Variants in KIRREL3 observed in about 807,000 individuals in gnomAD.
KIRREL3 encodes kirre like nephrin family adhesion molecule 3, also known as kin of IRRE-like protein 3.
A neutral mutation model predicts 89.7 loss-of-function variants in KIRREL3; 36 were observed. The observed-to-expected ratio is 0.40, with a 90% confidence interval of 0.31 to 0.53. The LOEUF (loss-of-function observed/expected upper bound fraction) is 0.53. Among genes scored for constraint, KIRREL3 ranks in the 20% least tolerant of loss-of-function variants. KIRREL3 has a pLI of 0.49. For synonymous variants in KIRREL3, 445 were observed against 441.4 expected (o/e 1.01, Z -0.10); for missense variants, 864 against 1,056.6 (o/e 0.82, Z 2.53).
chr11:126,785,174 A>T (rs528330660), intron 1 of KIRREL3, among the ~76,000 whole-genome samples: 2 of 152,076 alleles, frequency 1.3e-5, no homozygotes, highest in Non-Finnish European at 2.9e-5. Flanking sequence ...TGGAAAGGAG[A>T]GGGATTCCTC....
In KIRREL3 at chr11:126,557,400, G is replaced by A. The variant is rs1351493498; in HGVS notation, c.133+5435C>T. On this transcript the variant is annotated intron_variant, in intron 2 of 16. Transcript: ENST00000525144. This position sits in a 1 kb window ranked among gnomAD's most constrained non-coding sequence, Gnocchi z 5.6. ...TTATGGGATGGGCTGTGAGAACAGG[G>A]TGTGGGCTGGGTGTTGAGATCCAAG... 6.6e-6 allele frequency among the ~76,000 whole-genome samples: 1 copy of A among 152,218 alleles called. No homozygotes were observed. Among genetic ancestry groups the A allele is most frequent in the South Asian group, 2.1e-4 (1 of 4,830 alleles).
At chr11:126,810,959 G>A (rs1951365539) in intron 1 of KIRREL3, among the ~76,000 whole-genome samples, 1 of 152,170 alleles carries the variant, frequency 6.6e-6, no homozygotes, top group South Asian at 2.1e-4. Context: ...ACACTGGAGT[G>A]TGTGCAGGGA....
At chr11:126,465,068 G>C (rs558003033) in intron 5 of KIRREL3, among the ~76,000 whole-genome samples, 2 of 152,254 alleles carry the variant, frequency 1.3e-5, no homozygotes, top group East Asian at 3.9e-4. Flanking sequence ...GGGAGGGTGT[G>C]CTGAGTGTGT....
rs189337695 is a variant in KIRREL3, at chr11:126,891,768, G to T, written c.55+108687C>A. Among the ~76,000 whole-genome samples the T allele has an allele frequency of 6.6e-5, 10 of 152,302 alleles. No individual in the cohort carries two copies. Among genetic ancestry groups the T allele is most frequent in the Non-Finnish European group, 1.5e-4 (10 of 68,022 alleles). ...GATCCCTGGAGATGGGCAGGGCTGGGGTCAGACTCCGGTGACAGCAGCAGT... is the reference window on the plus strand; with the variant it reads ...GATCCCTGGAGATGGGCAGGGCTGGTGTCAGACTCCGGTGACAGCAGCAGT... On this transcript the variant is annotated intron_variant, in intron 1 of 16. Coordinates refer to ENST00000525144, the MANE Select transcript of KIRREL3 (RefSeq NM_032531.4). This position sits in a 1 kb window ranked among gnomAD's most constrained non-coding sequence, Gnocchi z 5.1.
chr11:126,779,983 G>T (rs868183974), intron 1 of KIRREL3, among the ~76,000 whole-genome samples: 1 of 152,182 alleles, frequency 6.6e-6, no homozygotes, highest in Non-Finnish European at 1.5e-5. Context: ...GGAGCATCTA[G>T]TGGGGAAAGC....
chr11:126,452,442 A>C (rs1956212030), intron 7 of KIRREL3, among the ~76,000 whole-genome samples: 1 of 152,250 alleles, frequency 6.6e-6, no homozygotes, highest in South Asian at 2.1e-4. Context: ...GCGTGAGGCC[A>C]AGCGGGCAGC....
rs1055017774 is a variant in KIRREL3, at chr11:126,530,620, C to A, written c.134-3933G>T. Reference sequence around the variant, plus strand: ...ACCCCTCCAGGAGCTCGCAGCTGTGCCCCCTCCCCATCACACCTGGGCGTC... The same window carrying A: ...ACCCCTCCAGGAGCTCGCAGCTGTGACCCCTCCCCATCACACCTGGGCGTC... On this transcript the variant is annotated intron_variant, in intron 2 of 16. Transcript: ENST00000525144. The surrounding 1 kb of genome is among the most constrained non-coding windows in gnomAD (Gnocchi z 5.8). 2.0e-5 allele frequency among the ~76,000 whole-genome samples: 3 copies of A among 152,102 alleles called. No individual in the cohort carries two copies. Among genetic ancestry groups the A allele is most frequent in the Non-Finnish European group, 2.9e-5 (2 of 68,024 alleles).
In KIRREL3 at chr11:126,463,709, T is replaced by A. The variant is rs985891298; in HGVS notation, c.592-402A>T. ...GGCTCTGTAGGAAGCAACGAGATGG[T>A]TTGCAACCAGCAGGGACTGTGGCCC... On this transcript the variant is annotated intron_variant, in intron 5 of 16. Transcript: ENST00000525144. This position sits in a 1 kb window ranked among gnomAD's most constrained non-coding sequence, Gnocchi z 5.9. Among the ~76,000 whole-genome samples the A allele has an allele frequency of 6.6e-6, 1 of 152,062 alleles. No individual in the cohort carries two copies. The highest frequency in any genetic ancestry group is 6.6e-5 in the Admixed American group (1 of 15,256).
chr11:126,979,076 T>A (rs1190524208), intron 1 of KIRREL3, among the ~76,000 whole-genome samples: 1 of 152,144 alleles, frequency 6.6e-6, no homozygotes, highest in Non-Finnish European at 1.5e-5. Context: ...AAACAGCTAT[T>A]AAGGACATAG....
Position 126,645,615 on chromosome 11 carries a change from T to A in KIRREL3, c.56-82703A>T, listed in dbSNP as rs996338456. On this transcript the variant is annotated intron_variant, in intron 1 of 16. Transcript: ENST00000525144. This position sits in a 1 kb window ranked among gnomAD's most constrained non-coding sequence, Gnocchi z 4.9. ...TAAATGGAAGCATCATGGCACGAGG[T>A]GAAATTCTAGGTTTCTGAAGAAGAA... 2.0e-5 allele frequency among the ~76,000 whole-genome samples: 3 copies of A among 152,172 alleles called. No homozygotes were observed. Among genetic ancestry groups the A allele is most frequent in the Non-Finnish European group, 4.4e-5 (3 of 68,034 alleles).
intron 1 of KIRREL3, among the ~76,000 whole-genome samples, chr11:126,828,669 T>A (rs1234972205): frequency 6.6e-6 from 1 of 152,186 alleles, no homozygotes; most frequent in Non-Finnish European, 1.5e-5. Context: ...GTCTTGCACG[T>A]AGGCTCTGCA....
chr11:126,922,977 C>T (rs537138519), intron 1 of KIRREL3, among the ~76,000 whole-genome samples: 2 of 152,208 alleles, frequency 1.3e-5, no homozygotes, highest in Middle Eastern at 3.2e-3. Context: ...TTGCATCCCT[C>T]GAGTCGGTGC....
At position 126,541,719 on chromosome 11, in the gene KIRREL3, C is replaced by T. The variant is rs985146323; in HGVS notation, c.134-15032G>A. The stretch of plus-strand genomic sequence containing the variant: ...AGCTTCTGGGTCATCCTTCTGCAGG[C>T]GGTTTCTGGGCCACATCCTAAGGGC... On this transcript the variant is annotated intron_variant, in intron 2 of 16. Coordinates refer to ENST00000525144, the MANE Select transcript of KIRREL3 (RefSeq NM_032531.4). The surrounding 1 kb of genome is among the most constrained non-coding windows in gnomAD (Gnocchi z 4.8). 2.1e-4 allele frequency among the ~76,000 whole-genome samples: 32 copies of T among 151,976 alleles called. No homozygotes were observed. The highest frequency in any genetic ancestry group is 7.7e-4 in the African/African-American group (32 of 41,374).
intron 1 of KIRREL3, among the ~76,000 whole-genome samples, chr11:126,658,636 G>C (rs1336399012): frequency 6.6e-6 from 1 of 152,174 alleles, no homozygotes; most frequent in Non-Finnish European, 1.5e-5. Flanking sequence ...TACTGACTCG[G>C]AGAGCTTTCC....
chr11:126,620,450 A>C lies in KIRREL3; in HGVS notation c.56-57538T>G, dbSNP rs1419034688. On this transcript the variant is annotated intron_variant, in intron 1 of 16. Transcript: ENST00000525144. The surrounding 1 kb of genome is among the most constrained non-coding windows in gnomAD (Gnocchi z 4.8). ...AAAGTATTAGACTAAGTCTTTGTTG[A>C]GTAGTAATTCTTAATGTGAGGCTCT... Among the ~76,000 whole-genome samples, 2 of 152,156 alleles carry C rather than the reference A, an allele frequency of 1.3e-5. No individual in the cohort carries two copies. Among genetic ancestry groups the C allele is most frequent in the Admixed American group, 1.3e-4 (2 of 15,286 alleles).
intron 1 of KIRREL3, among the ~76,000 whole-genome samples, chr11:126,973,772 C>T (rs1949495452): frequency 6.6e-6 from 1 of 152,174 alleles, no homozygotes; most frequent in Non-Finnish European, 1.5e-5. Context: ...GTATGCACTA[C>T]ACTGCTTGGC....
Position 126,764,667 on chromosome 11 carries a change from G to C in KIRREL3, c.56-201755C>G, listed in dbSNP as rs915913875. On this transcript the variant is annotated intron_variant, in intron 1 of 16. Coordinates refer to ENST00000525144, the MANE Select transcript of KIRREL3 (RefSeq NM_032531.4). The surrounding 1 kb of genome is among the most constrained non-coding windows in gnomAD (Gnocchi z 4.2). Reference sequence around the variant, plus strand: ...CTTTGGTTAGCACATGCACACGTGGGCACGTGCAAACTCTCTCAGTGTAGG... The same window carrying C: ...CTTTGGTTAGCACATGCACACGTGGCCACGTGCAAACTCTCTCAGTGTAGG... Among the ~76,000 whole-genome samples, 4 of 152,176 alleles carry C rather than the reference G, an allele frequency of 2.6e-5. No individual in the cohort carries two copies. The highest frequency in any genetic ancestry group is 1.3e-4 in the Admixed American group (2 of 15,282).
rs1345531966 is a variant in KIRREL3 at position 126,904,684 on chromosome 11, C to T, written c.55+95771G>A. On this transcript the variant is annotated intron_variant, in intron 1 of 16. Transcript: ENST00000525144. This position sits in a 1 kb window ranked among gnomAD's most constrained non-coding sequence, Gnocchi z 4.4. ...ATCTGTCTCCTGCTACAGTTTAGCA[C>T]AGCTATAGCTTGGGGGTAGGGGGTC... Among the ~76,000 whole-genome samples, 2 of 152,198 alleles carry T rather than the reference C, an allele frequency of 1.3e-5. No individual in the cohort carries two copies. The highest frequency in any genetic ancestry group is 1.5e-5 in the Non-Finnish European group (1 of 68,018).
At chr11:126,751,076 A>G (rs1592071706) in intron 1 of KIRREL3, among the ~76,000 whole-genome samples, 1 of 152,240 alleles carries the variant, frequency 6.6e-6, no homozygotes, top group African/African-American at 2.4e-5. Context: ...TCTTATGTCA[A>G]TGCTGTGGAA....
Sources: gnomAD v4.1 joint callset for allele counts (sites outside exome capture counted in the v4.1 genomes callset) on GRCh38, gnomAD v4.1.1 for gene constraint, Gnocchi (gnomAD v3.1) non-coding constraint, MANE v1.5 for transcripts, NCBI Gene and HGNC (gene_info 2026-07-23, HGNC 2026-07-21) for gene names.